The following IGFL2 variants were observed in gnomAD, a reference collection of about 807,000 sequenced individuals.
IGFL2 encodes IGF like family member 2.
In IGFL2, 7 loss-of-function variants were observed where a neutral mutation model predicts 13.9. The ratio of observed to expected loss-of-function variants is 0.51; its 90% confidence interval spans 0.29 to 0.95. The LOEUF is 0.95. IGFL2 is among the 40% of genes least tolerant of loss of function. IGFL2 has a pLI of 0.08. For synonymous variants in IGFL2, 55 were observed against 55.8 expected (o/e 0.99, Z 0.07); for missense variants, 138 against 147.8 (o/e 0.93, Z 0.34).
At chr19:46,107,876 G>T in the IGFL2 span, among the ~76,000 whole-genome samples, 16 of 152,314 alleles carry the variant, frequency 1.1e-4, no homozygotes, top group African/African-American at 3.6e-4. Context: ...ACTGGGCTGG[G>T]TTTTTATATT....
At chr19:46,169,227 A>G in the IGFL2 span, among the ~76,000 whole-genome samples, 1 of 152,184 alleles carries the variant, frequency 6.6e-6, no homozygotes, top group Non-Finnish European at 1.5e-5. Context: ...ATAAATTAAA[A>G]ATGTTTTCAG....
At chr19:46,092,740 C>T in the IGFL2 span, among the ~76,000 whole-genome samples, 39 of 152,142 alleles carry the variant, frequency 2.6e-4, 1 homozygote, top group South Asian at 7.3e-3. Flanking sequence ...CTCAGCCTCC[C>T]AAAGTGCCAG....
At chr19:46,183,153 A>G in the IGFL2 span, among the ~76,000 whole-genome samples, 4 of 152,194 alleles carry the variant, frequency 2.6e-5, no homozygotes, top group Admixed American at 1.3e-4. Flanking sequence ...CATGTCGTAC[A>G]TGGCAGCAGG....
the IGFL2 span, chr19:46,124,408 G>A: frequency 7.0e-7 from 1 of 1,436,084 alleles, no homozygotes; most frequent in Non-Finnish European, 9.7e-7. Context: ...CAGAGGTTAG[G>A]GTGGTTTAAA....
At chr19:46,148,541 A>G (rs1473694842) in intron 1 of IGFL2, among the ~76,000 whole-genome samples, 1 of 152,164 alleles carries the variant, frequency 6.6e-6, no homozygotes, top group East Asian at 1.9e-4. Context: ...ACCTGCACAC[A>G]GAGTCAGTCC....
chr19:46,180,318 A>G, the IGFL2 span, among the ~76,000 whole-genome samples: 1 of 151,860 alleles, frequency 6.6e-6, no homozygotes, highest in Non-Finnish European at 1.5e-5. Flanking sequence ...AGCTGGAACT[A>G]CAGGCACCTG....
chr19:46,197,455 C>G, the IGFL2 span: 1 of 155,440 alleles, frequency 6.4e-6, no homozygotes, highest in Non-Finnish European at 1.4e-5. Flanking sequence ...TTTCCTCTCA[C>G]AACCTCACTC....
chr19:46,211,818 C>T, the IGFL2 span: 1 of 152,122 alleles, frequency 6.6e-6, no homozygotes, highest in Non-Finnish European at 1.5e-5. Flanking sequence ...CTGAATGATA[C>T]CCAGGTTCTC....
chr19:46,176,369 CAA>C, the IGFL2 span, among the ~76,000 whole-genome samples: 10 of 152,096 alleles, frequency 6.6e-5, no homozygotes, highest in South Asian at 6.2e-4. Flanking sequence ...AAGTAAGTAA[CAA>C]GAGGGTTTGA....
chr19:46,087,096 C>T, the IGFL2 span, among the ~76,000 whole-genome samples: 1 of 152,120 alleles, frequency 6.6e-6, no homozygotes, highest in Non-Finnish European at 1.5e-5. Flanking sequence ...GCAGGCCAAT[C>T]GTTGGTCCTC....
chr19:46,137,979 G>C, the IGFL2 span, among the ~76,000 whole-genome samples: 3 of 152,102 alleles, frequency 2.0e-5, no homozygotes, highest in Non-Finnish European at 2.9e-5. Flanking sequence ...CTTAAATCTT[G>C]ACTATCTTCA....
chr19:46,167,442 T>C, the IGFL2 span, among the ~76,000 whole-genome samples: 1 of 152,184 alleles, frequency 6.6e-6, no homozygotes, highest in South Asian at 2.1e-4. Flanking sequence ...TGATGGCTGC[T>C]GCTATGCCTT....
chr19:46,136,677 G>A, the IGFL2 span: 2 of 451,284 alleles, frequency 4.4e-6, no homozygotes, highest in South Asian at 3.3e-5. Flanking sequence ...ATAAAATAAT[G>A]CAATTCATCT....
At chr19:46,122,167 A>T in the IGFL2 span, among the ~76,000 whole-genome samples, 6 of 150,880 alleles carry the variant, frequency 4.0e-5, no homozygotes, top group African/African-American at 1.2e-4. Flanking sequence ...GTGTACATCC[A>T]CTTCCATTGC....
chr19:46,106,375 A>G, the IGFL2 span, among the ~76,000 whole-genome samples: 1 of 152,190 alleles, frequency 6.6e-6, no homozygotes, highest in Non-Finnish European at 1.5e-5. Context: ...AAAGTAAATC[A>G]TGAGAAAGGG....
the IGFL2 span, among the ~76,000 whole-genome samples, chr19:46,172,357 TAATC>T: frequency 8.3e-4 from 127 of 152,284 alleles, 2 homozygotes; most frequent in Middle Eastern, 0.017. Context: ...AAAATGATAA[TAATC>T]CATTACAGGA....
At chr19:46,186,830 G>A in the IGFL2 span, among the ~76,000 whole-genome samples, 1 of 152,192 alleles carries the variant, frequency 6.6e-6, no homozygotes, top group East Asian at 1.9e-4. Context: ...CATTGTTTAG[G>A]GGCACAGGGA....
At chr19:46,211,052 G>A in the IGFL2 span, among the ~76,000 whole-genome samples, 1 of 152,204 alleles carries the variant, frequency 6.6e-6, no homozygotes, top group African/African-American at 2.4e-5. Flanking sequence ...TCACATCCAA[G>A]CAATAGCTCT....
the IGFL2 span, chr19:46,211,666 GAC>G: frequency 6.6e-6 from 1 of 152,194 alleles, no homozygotes; most frequent in Non-Finnish European, 1.5e-5. Flanking sequence ...ATCCAAGCAA[GAC>G]ACGGGCTGAG....
Sources: gnomAD v4.1 joint callset for allele counts (sites outside exome capture counted in the v4.1 genomes callset) on GRCh38, gnomAD v4.1.1 for gene constraint, MANE v1.5 for transcripts, NCBI Gene and HGNC (gene_info 2026-07-23, HGNC 2026-07-21) for gene names.